Variants in PCDH15 observed in about 807,000 individuals in gnomAD.
PCDH15 encodes protocadherin-15.
A neutral mutation model predicts 178.5 loss-of-function variants in PCDH15; 129 were observed. The observed-to-expected ratio is 0.72, with a 90% CI of 0.63 to 0.84. The LOEUF (loss-of-function observed/expected upper bound fraction) is 0.84. Ranked by LOEUF, PCDH15 falls within the 40% of genes least tolerant of loss-of-function variation. The pLI, the probability that PCDH15 is intolerant of heterozygous loss-of-function variation, is 0.00. For missense variants in PCDH15, 2,230 were observed against 2,099.9 expected (o/e 1.06, Z -1.21); for synonymous variants, 800 against 732.0 (o/e 1.09, Z -1.50).
chr10:55,495,174 C>T (rs1589080715), intron 2 of PCDH15, among the ~76,000 whole-genome samples: 1 of 151,736 alleles, frequency 6.6e-6, no homozygotes, highest in Admixed American at 6.6e-5. Context: ...AGGTGTATGT[C>T]TTCATGGCCT....
chr10:55,404,552 T>C (rs1351491395), intron 2 of PCDH15, among the ~76,000 whole-genome samples: 1 of 152,042 alleles, frequency 6.6e-6, no homozygotes, highest in East Asian at 1.9e-4. Context: ...ATGGCTCTCA[T>C]ATAATATGAA....
chr10:55,535,262 GACAGA>G (rs1841548006), intron 2 of PCDH15, among the ~76,000 whole-genome samples: 1 of 151,980 alleles, frequency 6.6e-6, no homozygotes, highest in South Asian at 2.1e-4. Flanking sequence ...GATCAATATT[GACAGA>G]ATTGGTAAGG....
At chr10:55,362,553 T>C (rs1280302470) in intron 2 of PCDH15, among the ~76,000 whole-genome samples, 2 of 152,172 alleles carry the variant, frequency 1.3e-5, no homozygotes, top group Admixed American at 1.3e-4. Flanking sequence ...AATGGTAATA[T>C]CTTGTGTAAA....
intron 7 of PCDH15, among the ~76,000 whole-genome samples, chr10:54,326,924 C>G (rs75981706): frequency 3.3e-5 from 5 of 152,022 alleles, no homozygotes; most frequent in Non-Finnish European, 5.9e-5. Flanking sequence ...AAGTTTATAA[C>G]AAAAACTGTT....
chr10:54,752,530 A>AAC (rs1555180997), intron 1 of PCDH15, among the ~76,000 whole-genome samples: 12 of 43,944 alleles, frequency 2.7e-4, no homozygotes, highest in African/African-American at 3.6e-4. Flanking sequence ...ACAAACAAAC[A>AAC]AAAAAAAACA....
chr10:55,393,693 G>C (rs1448936164), intron 2 of PCDH15, among the ~76,000 whole-genome samples: 1 of 152,124 alleles, frequency 6.6e-6, no homozygotes, highest in African/African-American at 2.4e-5. Flanking sequence ...CAAATTATCA[G>C]ATTCCTCCTA....
In PCDH15 at chr10:55,188,260, A is replaced by G. The variant is rs571156079; in HGVS notation, c.-155-21609T>C. Among the ~76,000 whole-genome samples, 8 of 151,882 alleles carry G rather than the reference A, an allele frequency of 5.3e-5. No individual in the cohort carries two copies. In the South Asian group the frequency reaches 1.5e-3, roughly 28 times the overall value. ...TTCTAGAATTAAACTCCTTTTACCA[A>G]TTCTATATAATTTTCTCACGCTTTC... On this transcript the variant is annotated intron_variant, in intron 1 of 5. Transcript: ENST00000458638.
intron 9 of PCDH15, among the ~76,000 whole-genome samples, chr10:54,216,565 A>G (rs539202357): frequency 6.6e-6 from 1 of 152,206 alleles, no homozygotes; most frequent in African/African-American, 2.4e-5. Flanking sequence ...ATCTCGATAC[A>G]TAAGAAGAAA....
At chr10:55,624,495 G>T (rs922934097) in intron 2 of PCDH15, among the ~76,000 whole-genome samples, 2 of 152,012 alleles carry the variant, frequency 1.3e-5, no homozygotes, top group African/African-American at 4.8e-5. Context: ...GACTAAAGTG[G>T]TTATTTAAAG....
intron 1 of PCDH15, among the ~76,000 whole-genome samples, chr10:54,687,746 A>G (rs4935542): frequency 0.19 from 29,188 of 151,804 alleles, 3,300 homozygotes; most frequent in Middle Eastern, 0.28. Context: ...TTTTTGGTAT[A>G]AGTCTCCACT....
intron 2 of PCDH15, among the ~76,000 whole-genome samples, chr10:55,448,126 GT>G (rs1839357300): frequency 6.6e-6 from 1 of 151,942 alleles, no homozygotes. Flanking sequence ...AAAAACAACA[GT>G]TTAAAATAAT....
intron 21 of PCDH15, among the ~76,000 whole-genome samples, chr10:53,980,738 T>C (rs2134603969): frequency 6.6e-6 from 1 of 152,294 alleles, no homozygotes; most frequent in Middle Eastern, 3.4e-3. Flanking sequence ...ATATAATTTT[T>C]ATGAGTTAAA....
chr10:54,869,805 TC>T (rs1954003567), intron 3 of PCDH15, among the ~76,000 whole-genome samples: 2 of 152,076 alleles, frequency 1.3e-5, no homozygotes, highest in South Asian at 4.1e-4. Flanking sequence ...TTGATCTTTC[TC>T]CCCCTTCACA....
chr10:55,599,217 C>T (rs1843009396), intron 2 of PCDH15: 1 of 152,152 alleles, frequency 6.6e-6, no homozygotes, highest in African/African-American at 2.4e-5. Flanking sequence ...TAGAAGAGTA[C>T]ACTCATTTAT....
chr10:55,027,995 A>C (rs1304382898), intron 2 of PCDH15, among the ~76,000 whole-genome samples: 3 of 136,066 alleles, frequency 2.2e-5, no homozygotes, highest in Non-Finnish European at 5.2e-5. Flanking sequence ...ATGCAACCAC[A>C]AAAAACTCAA....
chr10:55,171,024 T>A (rs1277343155), intron 1 of PCDH15, among the ~76,000 whole-genome samples: 1 of 152,232 alleles, frequency 6.6e-6, no homozygotes, highest in African/African-American at 2.4e-5. Flanking sequence ...CTTTCTCATT[T>A]CTCCATCTCT....
At chr10:54,859,533 C>G (rs1953803435) in intron 3 of PCDH15, among the ~76,000 whole-genome samples, 1 of 151,952 alleles carries the variant, frequency 6.6e-6, no homozygotes, top group South Asian at 2.1e-4. Flanking sequence ...TTGCCTAACT[C>G]CAGAGTACTG....
chr10:54,603,091 TTTC>T (rs1396002205), intron 2 of PCDH15, among the ~76,000 whole-genome samples: 1 of 152,052 alleles, frequency 6.6e-6, no homozygotes, highest in African/African-American at 2.4e-5. Flanking sequence ...GACTATTCTA[TTTC>T]TTCTTCAATC....
intron 1 of PCDH15, among the ~76,000 whole-genome samples, chr10:54,773,266 T>A (rs1949304939): frequency 6.6e-6 from 1 of 152,180 alleles, no homozygotes; most frequent in South Asian, 2.1e-4. Flanking sequence ...TGAAGACTTT[T>A]TTTTTTCTTA....
Sources: allele counts gnomAD v4.1 joint callset (sites outside exome capture counted in the v4.1 genomes callset), GRCh38; gene constraint gnomAD v4.1.1; transcripts MANE v1.5; gene names NCBI Gene and HGNC (gene_info 2026-07-23, HGNC 2026-07-21).